Variants in LRRFIP2 observed in about 807,000 individuals in gnomAD.
LRRFIP2 encodes LRR binding FLII interacting protein 2.
In LRRFIP2, 109 loss-of-function variants were observed where a neutral mutation model predicts 125.9. That is an observed-to-expected ratio of 0.87 (90% confidence interval 0.74 to 1.01). The LOEUF (loss-of-function observed/expected upper bound fraction) is 1.01, where lower values mean the gene tolerates loss of function less well. LRRFIP2 is among the 50% of genes least tolerant of loss of function. The pLI is 0.00. For missense variants in LRRFIP2, 850 were observed against 862.3 expected, an observed-to-expected ratio of 0.99 and a Z score of 0.18; for synonymous variants, 291 against 293.1, an observed-to-expected ratio of 0.99 and a Z score of 0.07.
chr3:37,124,531 G>C (rs2095199312), intron 4 of LRRFIP2, among the ~76,000 whole-genome samples: 1 of 152,180 alleles, frequency 6.6e-6, no homozygotes, highest in Admixed American at 6.5e-5. Flanking sequence ...GACCCTGGTA[G>C]CAATTCTATT....
chr3:37,153,142 A>G (rs1408241788), intron 1 of LRRFIP2, among the ~76,000 whole-genome samples: 3 of 152,130 alleles, frequency 2.0e-5, no homozygotes, highest in African/African-American at 4.8e-5. Flanking sequence ...ACATCTAATA[A>G]TCCCAGCACT....
chr3:37,156,470 G>A (rs1278060998), intron 1 of LRRFIP2, among the ~76,000 whole-genome samples: 13 of 150,368 alleles, frequency 8.6e-5, no homozygotes, highest in African/African-American at 1.7e-4. Context: ...TCAGGAGATC[G>A]AGACCATCCT....
chr3:37,101,804 G>A (rs2094072306), intron 15 of LRRFIP2, among the ~76,000 whole-genome samples: 1 of 152,166 alleles, frequency 6.6e-6, no homozygotes, highest in Non-Finnish European at 1.5e-5. Flanking sequence ...CAGCAAGAGA[G>A]GAGAAGCGTC....
chr3:37,153,926 C>T (rs968111792), intron 1 of LRRFIP2, among the ~76,000 whole-genome samples: 1 of 150,680 alleles, frequency 6.6e-6, no homozygotes, highest in African/African-American at 2.4e-5. Flanking sequence ...TTTAAAAGAA[C>T]TGTATTATTT....
intron 15 of LRRFIP2, among the ~76,000 whole-genome samples, chr3:37,099,927 G>A (rs1200419297): frequency 4.6e-5 from 7 of 152,040 alleles, no homozygotes; most frequent in Middle Eastern, 3.4e-3. Flanking sequence ...TTCTGAATTC[G>A]TTGCCAGCAT....
intron 9 of LRRFIP2, 114 bp from the exon 10 acceptor site, chr3:37,109,817 C>T: frequency 1.2e-6 from 1 of 858,818 alleles, no homozygotes; most frequent in Non-Finnish European, 1.9e-6. Context: ...AATTCATTAG[C>T]AATTCCTGAG....
chr3:37,160,230 T>A (rs1392392289), intron 1 of LRRFIP2, among the ~76,000 whole-genome samples: 7 of 151,966 alleles, frequency 4.6e-5, no homozygotes. Flanking sequence ...TTTTGAAATG[T>A]GGGACTGCTT....
chr3:37,108,246 T>G, intron 12 of LRRFIP2, 117 bp from the exon 13 acceptor site: 1 of 777,358 alleles, frequency 1.3e-6, no homozygotes, highest in South Asian at 1.7e-5. Context: ...AAGGTAACTG[T>G]TATTCAGTGG....
intron 13 of LRRFIP2, 44 bp downstream of exon 13, chr3:37,108,029 C>A (rs1057078855): frequency 6.5e-7 from 1 of 1,543,064 alleles, no homozygotes; most frequent in African/African-American, 1.4e-5. Context: ...ATTAACGCAA[C>A]AATCAAAAAT....
intron 18 of LRRFIP2, among the ~76,000 whole-genome samples, chr3:37,085,598 TC>T (rs1177410222): frequency 2.1e-5 from 3 of 145,094 alleles, no homozygotes; most frequent in Non-Finnish European, 3.1e-5. Flanking sequence ...TTTTTTTTTT[TC>T]GAGATGGAGT....
intron 1 of LRRFIP2, chr3:37,170,809 C>T (rs2096575649): frequency 1.3e-5 from 2 of 152,236 alleles, no homozygotes; most frequent in Admixed American, 1.3e-4. Flanking sequence ...CGCAGTGGCT[C>T]ATGCTTGTAA....
At chr3:37,090,349 C>T (rs969582157) in intron 18 of LRRFIP2, among the ~76,000 whole-genome samples, 1 of 152,134 alleles carries the variant, frequency 6.6e-6, no homozygotes, top group Non-Finnish European at 1.5e-5. Flanking sequence ...CTGCCTCAGC[C>T]TCCCAAGTAG....
At chr3:37,151,351 T>TC (rs920079665) in intron 1 of LRRFIP2, among the ~76,000 whole-genome samples, 3 of 148,824 alleles carry the variant, frequency 2.0e-5, no homozygotes, top group African/African-American at 7.4e-5. Context: ...AGAGCAAGAC[T>TC]CCATCTCAAA....
intron 1 of LRRFIP2, among the ~76,000 whole-genome samples, chr3:37,151,274 G>T (rs962760661): frequency 2.0e-5 from 3 of 151,898 alleles, no homozygotes; most frequent in Admixed American, 6.6e-5. Context: ...GAGGAGAATC[G>T]CTTGAATCCA....
At chr3:37,086,270 G>T (rs558160577) in intron 18 of LRRFIP2, among the ~76,000 whole-genome samples, 2 of 152,270 alleles carry the variant, frequency 1.3e-5, no homozygotes, top group East Asian at 3.9e-4. Context: ...TATATTGCTG[G>T]TAGGAACATA....
intron 2 of LRRFIP2, chr3:37,135,061 T>G: frequency 7.1e-7 from 1 of 1,398,900 alleles, no homozygotes; most frequent in Non-Finnish European, 1.0e-6. Context: ...GACGTAAAAG[T>G]ACAACAGAAT....
At chr3:37,130,278 G>T (rs1166158978) in intron 2 of LRRFIP2, among the ~76,000 whole-genome samples, 3 of 152,140 alleles carry the variant, frequency 2.0e-5, no homozygotes, top group Non-Finnish European at 4.4e-5. Context: ...CCTACTTCCA[G>T]AATCTGCCTT....
At chr3:37,090,321 C>A (rs2093358292) in intron 18 of LRRFIP2, among the ~76,000 whole-genome samples, 1 of 152,076 alleles carries the variant, frequency 6.6e-6, no homozygotes, top group African/African-American at 2.4e-5. Context: ...CTCCACCTTC[C>A]AGGTTCAAGC....
At chr3:37,089,776 G>A (rs1477755881) in intron 18 of LRRFIP2, among the ~76,000 whole-genome samples, 4 of 151,330 alleles carry the variant, frequency 2.6e-5, no homozygotes, top group Admixed American at 6.6e-5. Flanking sequence ...TTACACATGT[G>A]ACTTTAATAT....
Sources: allele counts gnomAD v4.1 joint callset (sites outside exome capture counted in the v4.1 genomes callset), GRCh38; gene constraint gnomAD v4.1.1; transcripts MANE v1.5; gene names NCBI Gene and HGNC (gene_info 2026-07-23, HGNC 2026-07-21).